SCHIP1: variants seen among roughly 807,000 people sequenced by gnomAD.
SCHIP1 encodes schwannomin interacting protein 1.
SCHIP1 carries 8 observed loss-of-function variants against 29.7 expected under a neutral mutation model. That is an observed-to-expected ratio of 0.27 (90% CI 0.16 to 0.49). The LOEUF (loss-of-function observed/expected upper bound fraction) is 0.49. Among genes scored for constraint, SCHIP1 ranks in the 20% least tolerant of loss-of-function variants. The probability of loss-of-function intolerance (pLI) is 0.99; values close to 1 mark genes in which losing one functional copy is unlikely to be tolerated. For synonymous variants in SCHIP1, 76 were observed against 94.9 expected, an observed-to-expected ratio of 0.80 and a Z score of 1.16; for missense variants, 193 against 294.6, an observed-to-expected ratio of 0.66 and a Z score of 2.52.
At chr3:159,768,127 G>A in the SCHIP1 span, among the ~76,000 whole-genome samples, 1 of 151,802 alleles carries the variant, frequency 6.6e-6, no homozygotes, top group Admixed American at 6.6e-5. Flanking sequence ...TCTTTCTTGT[G>A]ACACCAGACT....
upstream of SCHIP1, chr3:159,839,858 T>C: frequency 7.4e-7 from 1 of 1,359,984 alleles, no homozygotes. Flanking sequence ...TCCAGACTGA[T>C]CCTTTTCTTT....
chr3:159,778,408 C>A, the SCHIP1 span, among the ~76,000 whole-genome samples: 1 of 152,154 alleles, frequency 6.6e-6, no homozygotes, highest in African/African-American at 2.4e-5. Flanking sequence ...TCAGCAGCTT[C>A]CCCTTATGTT....
the SCHIP1 span, among the ~76,000 whole-genome samples, chr3:159,465,931 A>C: frequency 6.6e-6 from 1 of 152,290 alleles, no homozygotes; most frequent in South Asian, 2.1e-4. Context: ...AATTAACAAA[A>C]GTTTGAATAC....
the SCHIP1 span, among the ~76,000 whole-genome samples, chr3:159,498,877 T>C: frequency 6.6e-6 from 1 of 152,176 alleles, no homozygotes; most frequent in Admixed American, 6.5e-5. Flanking sequence ...GAAAAATATA[T>C]ATGAAATATT....
the SCHIP1 span, among the ~76,000 whole-genome samples, chr3:159,522,345 T>C: frequency 6.6e-6 from 1 of 152,230 alleles, no homozygotes; most frequent in Non-Finnish European, 1.5e-5. Context: ...TTGCAAGTAA[T>C]AGAGTTCTTG....
At chr3:159,486,479 A>C in the SCHIP1 span, among the ~76,000 whole-genome samples, 2 of 152,240 alleles carry the variant, frequency 1.3e-5, no homozygotes, top group South Asian at 4.1e-4. Flanking sequence ...CCTTCTTTTT[A>C]AGATTAATAT....
the SCHIP1 span, among the ~76,000 whole-genome samples, chr3:159,818,843 G>T: frequency 2.6e-5 from 4 of 152,072 alleles, no homozygotes; most frequent in African/African-American, 9.7e-5. Flanking sequence ...TATATTCCAA[G>T]TTCTTAATTT....
the SCHIP1 span, among the ~76,000 whole-genome samples, chr3:159,704,924 CTTTCTTTCTTTCTTTCCTTT>C: frequency 1.2e-5 from 1 of 81,486 alleles, no homozygotes; most frequent in African/African-American, 8.2e-5. Flanking sequence ...TTCTTTCTTT[CTTTCTTTCTTTCTTTCCTTT>C]CTTTCTTTCT....
chr3:159,336,736 G>A, the SCHIP1 span, among the ~76,000 whole-genome samples: 1 of 152,132 alleles, frequency 6.6e-6, no homozygotes, highest in Non-Finnish European at 1.5e-5. Context: ...TGCTGTTTTG[G>A]TTACTGTAGC....
rs182188129 is a variant in SCHIP1 at position 159,879,047 on chromosome 3, G to T, written c.150-7160G>T. ...GCCTTCTTTCTTTTACTTAACAGTC[G>T]GAAACTTTCATCCAATCTAATAATA... On this transcript the variant is annotated intron_variant, in intron 2 of 6. Transcript: ENST00000445224. Among the ~76,000 whole-genome samples, 16 of 151,298 alleles carry T rather than the reference G, an allele frequency of 1.1e-4. No individual in the cohort carries two copies. In the East Asian group the frequency reaches 3.1e-3, roughly 29 times the overall value.
intron 2 of SCHIP1, among the ~76,000 whole-genome samples, chr3:159,878,787 A>AG (rs1202869183): frequency 1.3e-5 from 2 of 150,388 alleles, no homozygotes; most frequent in Non-Finnish European, 3.0e-5. Flanking sequence ...CAAAAAAAAA[A>AG]TAAAATAAAA....
chr3:159,400,474 G>T, the SCHIP1 span, among the ~76,000 whole-genome samples: 2 of 152,146 alleles, frequency 1.3e-5, no homozygotes, highest in African/African-American at 4.8e-5. Flanking sequence ...CTTTCAATCT[G>T]TAAAATTGTA....
chr3:159,488,781 A>G, the SCHIP1 span, among the ~76,000 whole-genome samples: 1 of 152,166 alleles, frequency 6.6e-6, no homozygotes, highest in East Asian at 1.9e-4. Context: ...AAAAAACAAC[A>G]CTATGGAGAG....
chr3:159,750,437 G>A, the SCHIP1 span, among the ~76,000 whole-genome samples: 1 of 151,876 alleles, frequency 6.6e-6, no homozygotes, highest in Non-Finnish European at 1.5e-5. Context: ...TTAGGACTTG[G>A]TGTCTTACAT....
the SCHIP1 span, among the ~76,000 whole-genome samples, chr3:159,316,161 C>T: frequency 6.6e-6 from 1 of 151,918 alleles, no homozygotes; most frequent in Non-Finnish European, 1.5e-5. Flanking sequence ...AGTCAGGGTT[C>T]TCTTAGAGCG....
the SCHIP1 span, among the ~76,000 whole-genome samples, chr3:159,527,856 G>T: frequency 2.0e-5 from 3 of 152,162 alleles, no homozygotes; most frequent in East Asian, 3.9e-4. Context: ...CAGCCGTGAG[G>T]TTAGCAGTGT....
chr3:159,763,879 G>A, the SCHIP1 span: 1 of 152,002 alleles, frequency 6.6e-6, no homozygotes, highest in Non-Finnish European at 1.5e-5. Context: ...ACTGCCAGCG[G>A]TTCCTTACAA....
the SCHIP1 span, among the ~76,000 whole-genome samples, chr3:159,670,293 C>A: frequency 6.6e-6 from 1 of 152,162 alleles, no homozygotes; most frequent in Non-Finnish European, 1.5e-5. Context: ...CTAATGTTCA[C>A]TGTCAAAATT....
chr3:159,655,864 G>C, the SCHIP1 span, among the ~76,000 whole-genome samples: 1 of 152,170 alleles, frequency 6.6e-6, no homozygotes, highest in Non-Finnish European at 1.5e-5. Flanking sequence ...ACTCCAGCCT[G>C]GGTGGCAGAG....
Sources: allele counts gnomAD v4.1 joint callset (sites outside exome capture counted in the v4.1 genomes callset), GRCh38; gene constraint gnomAD v4.1.1; transcripts MANE v1.5; gene names NCBI Gene and HGNC (gene_info 2026-07-23, HGNC 2026-07-21).